Variants in CNTRL observed in about 807,000 individuals in gnomAD.
CNTRL encodes 110 kDa centrosomal protein.
CNTRL carries 233 observed loss-of-function variants against 303.7 expected under a neutral mutation model. The observed-to-expected ratio is 0.77, with a 90% CI of 0.69 to 0.86. The LOEUF is 0.86. CNTRL is among the 40% of genes least tolerant of loss of function. The pLI, the probability that CNTRL is intolerant of heterozygous loss-of-function variation, is 0.00. For missense variants in CNTRL, 2,524 were observed against 2,650.6 expected (o/e 0.95, Z 1.05); for synonymous variants, 900 against 922.2 (o/e 0.98, Z 0.44).
chr9:121,079,231 C>A (rs759436113), intron 1 of CNTRL, among the ~76,000 whole-genome samples: 2 of 152,156 alleles, frequency 1.3e-5, no homozygotes, highest in Non-Finnish European at 2.9e-5. Context: ...GTTTACCACG[C>A]TTGAAATTTA....
chr9:121,077,764 G>A lies in CNTRL; in HGVS notation c.-204-2542G>A, dbSNP rs980870955. On this transcript the variant is annotated intron_variant, in intron 1 of 43. Coordinates refer to ENST00000373855, the MANE Select transcript of CNTRL (RefSeq NM_007018.6). Reference sequence around the variant, plus strand: ...GTTCAAGACCAACCTGGGAACTATAGTGAGACCCCCCATCTCTACAAAAAA... The same window carrying A: ...GTTCAAGACCAACCTGGGAACTATAATGAGACCCCCCATCTCTACAAAAAA... Among the ~76,000 whole-genome samples the A allele has an allele frequency of 2.7e-4, 33 of 121,344 alleles. 3 individuals are homozygous for A. The highest frequency in any genetic ancestry group is 9.5e-3 in the Middle Eastern group (2 of 210). 79.6% of individuals were successfully genotyped at this position (121,344 alleles called of 152,430 possible).
chr9:121,177,065 A>T (rs542236207), intron 43 of CNTRL, 98 bp from the exon 44 acceptor site: 1 of 967,192 alleles, frequency 1.0e-6, no homozygotes, highest in South Asian at 1.4e-5. Flanking sequence ...AGGTACTCAA[A>T]TATGTCATTT....
intron 11 of CNTRL, among the ~76,000 whole-genome samples, chr9:121,115,687 T>C (rs909576911): frequency 6.6e-6 from 1 of 152,164 alleles, no homozygotes; most frequent in African/African-American, 2.4e-5. Context: ...AAATCCATGA[T>C]GTAATTGCAT....
intron 27 of CNTRL, among the ~76,000 whole-genome samples, chr9:121,156,891 A>G (rs749279246): frequency 4.6e-5 from 7 of 152,230 alleles, no homozygotes; most frequent in Non-Finnish European, 8.8e-5. Flanking sequence ...GATAATAACT[A>G]TAGAGTGCAG....
In CNTRL at chr9:121,148,684, A is replaced by G; in HGVS notation, c.3472A>G (p.Ser1158Gly). Residue 1158 changes from serine (S) to glycine (G), a missense_variant, in exon 24 of 44, where the codon AGT becomes GGT. Coordinates refer to ENST00000373855, the MANE Select transcript of CNTRL (RefSeq NM_007018.6). ...TCATTTGTTTTAGGTTTCCAGCCAT[A>G]GTTCCCAGGCCACCAAGGACTCTGG... ...PPPSSKVSSH[S>G]SQATKDSGVG... 2 of 1,612,570 alleles carry G rather than the reference A, an allele frequency of 1.2e-6. No homozygotes were observed. Among genetic ancestry groups the G allele is most frequent in the Non-Finnish European group, 1.7e-6 (2 of 1,178,930 alleles).
Position 121,140,538 on chromosome 9 carries a change from T to G in CNTRL, c.2338-103T>G, listed in dbSNP as rs1309345908. 4.2e-6 allele frequency: 4 copies of G among 960,214 alleles called. No homozygotes were observed. In the East Asian group the frequency reaches 1.2e-4, roughly 28 times the overall value. 59.5% of individuals were successfully genotyped at this position (960,214 alleles called of 1,614,324 possible). On this transcript the variant is annotated intron_variant, in intron 16 of 43. Coordinates refer to ENST00000373855, the MANE Select transcript of CNTRL (RefSeq NM_007018.6). The stretch of plus-strand genomic sequence containing the variant: ...AATTTCTTTTTACTTGAAAGAGGCA[T>G]TGTCTGAATTTAGTTCTGTGGTCTA...
At chr9:121,155,067 G>C (rs543919175) in intron 27 of CNTRL, 154 bp downstream of exon 27, 1 of 650,194 alleles carries the variant, frequency 1.5e-6, no homozygotes, top group Non-Finnish European at 2.8e-6. Context: ...TTAAGAAGAT[G>C]TGAGAATTTA....
intron 10 of CNTRL, among the ~76,000 whole-genome samples, chr9:121,114,196 G>T (rs1174505370): frequency 6.6e-6 from 1 of 152,196 alleles, no homozygotes; most frequent in Admixed American, 6.5e-5. Flanking sequence ...TAATTCAAGG[G>T]ATCTTAATAC....
chr9:121,164,897 T>C, intron 34 of CNTRL, 46 bp from the exon 35 acceptor site: 1 of 1,508,866 alleles, frequency 6.6e-7, no homozygotes, highest in Non-Finnish European at 9.1e-7. Flanking sequence ...AGTCATCTCC[T>C]GTGTGTGCTT....
At chr9:121,137,900 T>G (rs995050487) in intron 15 of CNTRL, among the ~76,000 whole-genome samples, 5 of 152,160 alleles carry the variant, frequency 3.3e-5, no homozygotes, top group African/African-American at 1.2e-4. Context: ...TTTCACCAAT[T>G]CACTTGGTAT....
intron 21 of CNTRL, 130 bp downstream of exon 21, chr9:121,145,089 A>G: frequency 3.6e-6 from 4 of 1,112,496 alleles, no homozygotes; most frequent in Non-Finnish European, 5.3e-6. Context: ...TTTATCCTCT[A>G]CTGTGTGCCA....
intron 1 of CNTRL, among the ~76,000 whole-genome samples, chr9:121,076,587 A>G (rs1266371097): frequency 2.0e-5 from 3 of 152,098 alleles, no homozygotes; most frequent in Non-Finnish European, 2.9e-5. Flanking sequence ...GGATAGAGAA[A>G]TGTTGAGTCT....
chr9:121,139,053 A>G (rs1050177734), intron 16 of CNTRL, among the ~76,000 whole-genome samples: 1 of 152,144 alleles, frequency 6.6e-6, no homozygotes, highest in Non-Finnish European at 1.5e-5. Flanking sequence ...TGTCTTTGTA[A>G]TTATCCAGGA....
At chr9:121,159,358 G>A (rs1291689612) in intron 31 of CNTRL, among the ~76,000 whole-genome samples, 1 of 152,160 alleles carries the variant, frequency 6.6e-6, no homozygotes, top group Non-Finnish European at 1.5e-5. Context: ...TTCTGGCCGG[G>A]TACAGTGGCT....
chr9:121,141,764 A>G (rs2051529979), intron 18 of CNTRL, 176 bp downstream of exon 18: 16 of 687,102 alleles, frequency 2.3e-5, no homozygotes, highest in Middle Eastern at 7.3e-4. Context: ...TATAATGTCA[A>G]AGTCAGGCTT....
rs149719205 is a variant in CNTRL, at chr9:121,092,427, TATAG to T, written c.348+2038_348+2041del. On this transcript the variant is annotated intron_variant, in intron 4 of 43. Coordinates refer to ENST00000373855, the MANE Select transcript of CNTRL (RefSeq NM_007018.6). Reference sequence around the variant, plus strand: ...CATCAGCCTAGATGACAGAGTGAGATATAGATAGATAGATAGATAATATATATCT... The same window carrying T: ...CATCAGCCTAGATGACAGAGTGAGATATAGATAGATAGATAATATATATCT... 8.4e-4 allele frequency among the ~76,000 whole-genome samples: 28 copies of T among 33,506 alleles called. 5 individuals carry two copies. Among genetic ancestry groups the T allele is most frequent in the African/African-American group, 1.3e-3 (21 of 16,358 alleles). 22.0% of individuals were successfully genotyped at this position (33,506 alleles called of 152,430 possible). A position where few individuals can be genotyped will look rare whatever the true frequency, so the allele number is the denominator to read the frequency against.
At position 121,168,166 on chromosome 9, in the gene CNTRL, A is replaced by G. The variant is rs748380153; in HGVS notation, c.5915A>G (p.Lys1972Arg). The change falls in exon 38 of 44, where the codon AAG becomes AGG. Residue 1972 changes from lysine to arginine, a missense_variant. Transcript: ENST00000373855. The stretch of plus-strand genomic sequence containing the variant: ...TTAGAAACCAGTAAAGTGACACTGA[A>G]GGAGCAACAGCACCAGCTGGAAAAG... ...SKLETSKVTL[K>R]EQQHQLEKEL... The G allele has an allele frequency of 2.7e-5, 43 of 1,614,042 alleles. No individual in the cohort carries two copies. The highest frequency in any genetic ancestry group is 3.1e-5 in the Non-Finnish European group (37 of 1,180,048).
rs1191385669 is a variant in CNTRL, at chr9:121,088,310, C to T, written c.-17C>T. ...AACTCTTACAGGTTTTGATGAACAC[C>T]TGGCTTTATTCTTGCAATGAAGAAA... On this transcript the variant is annotated 5_prime_UTR_variant, in exon 3 of 44. Transcript: ENST00000373855. The T allele has an allele frequency of 1.3e-6, 2 of 1,517,388 alleles. No homozygotes were observed. The highest frequency in any genetic ancestry group is 2.3e-5 in the East Asian group (1 of 44,330). 94.0% of individuals were successfully genotyped at this position (1,517,388 alleles called of 1,614,324 possible).
intron 12 of CNTRL, among the ~76,000 whole-genome samples, chr9:121,120,449 A>T (rs796406421): frequency 3.9e-5 from 6 of 152,344 alleles, no homozygotes; most frequent in African/African-American, 1.4e-4. Flanking sequence ...ATAATATCTT[A>T]CTTTATTGCA....
Sources: gnomAD v4.1 joint callset for allele counts (sites outside exome capture counted in the v4.1 genomes callset) on GRCh38, gnomAD v4.1.1 for gene constraint, MANE v1.5 for transcripts, NCBI Gene and HGNC (gene_info 2026-07-23, HGNC 2026-07-21) for gene names.